Variants in CNTNAP2 observed in about 807,000 individuals in gnomAD.
CNTNAP2 encodes contactin associated protein 2.
A neutral mutation model predicts 155.2 loss-of-function variants in CNTNAP2; 98 were observed. The ratio of observed to expected loss-of-function variants is 0.63; its 90% confidence interval spans 0.54 to 0.75. CNTNAP2 has a LOEUF of 0.75. Ranked by LOEUF, CNTNAP2 falls within the 30% of genes least tolerant of loss-of-function variation. CNTNAP2 has a pLI of 0.00. For missense variants in CNTNAP2, 1,727 were observed against 1,688.1 expected (o/e 1.02, Z -0.40); for synonymous variants, 651 against 631.2 (o/e 1.03, Z -0.47).
chr7:147,208,377 A>C (rs1803064834), intron 8 of CNTNAP2, among the ~76,000 whole-genome samples: 1 of 152,268 alleles, frequency 6.6e-6, no homozygotes, highest in East Asian at 1.9e-4. Flanking sequence ...AAATGCAATT[A>C]TCTCTCTTTA....
chr7:147,920,752 G>C (rs1346694019), intron 14 of CNTNAP2, among the ~76,000 whole-genome samples: 2 of 149,918 alleles, frequency 1.3e-5, no homozygotes, highest in Admixed American at 1.3e-4. Flanking sequence ...TTAAGAATGT[G>C]TCTTCACAAT....
intron 6 of CNTNAP2, among the ~76,000 whole-genome samples, chr7:147,127,490 G>T (rs1344694182): frequency 6.6e-6 from 1 of 151,546 alleles, no homozygotes; most frequent in Non-Finnish European, 1.5e-5. Context: ...ATTTGTTCAT[G>T]GACCTTCCAG....
chr7:146,409,805 G>A lies in CNTNAP2; in HGVS notation c.97+292832G>A, dbSNP rs532681532. Among the ~76,000 whole-genome samples, 278 of 152,192 alleles carry A rather than the reference G, an allele frequency of 1.8e-3. 1 individual carries two copies. Among genetic ancestry groups the A allele is most frequent in the African/African-American group, 6.6e-3 (272 of 41,502 alleles). On this transcript the variant is annotated intron_variant, in intron 1 of 23. Transcript: ENST00000361727. ...ACTCTTCGAAAACCACCTGGGTCAGGGTGATAGAGAAGAAATAGTAATGCA... is the reference window on the plus strand; with the variant it reads ...ACTCTTCGAAAACCACCTGGGTCAGAGTGATAGAGAAGAAATAGTAATGCA...
intron 1 of CNTNAP2, among the ~76,000 whole-genome samples, chr7:146,251,673 G>A (rs1389937895): frequency 6.6e-6 from 1 of 152,140 alleles, no homozygotes; most frequent in Non-Finnish European, 1.5e-5. Context: ...AGAGGATGAA[G>A]TAACTCACAA....
chr7:146,972,151 A>G (rs1200569718), intron 3 of CNTNAP2, among the ~76,000 whole-genome samples: 2 of 152,292 alleles, frequency 1.3e-5, no homozygotes, highest in East Asian at 3.9e-4. Context: ...GAAGATGATT[A>G]GATACTAAAT....
At chr7:146,530,846 C>T (rs749715226) in intron 1 of CNTNAP2, among the ~76,000 whole-genome samples, 1 of 152,118 alleles carries the variant, frequency 6.6e-6, no homozygotes, top group Non-Finnish European at 1.5e-5. Flanking sequence ...ACAGAATTAC[C>T]GTTCCATCCA....
intron 13 of CNTNAP2, among the ~76,000 whole-genome samples, chr7:147,886,602 T>C (rs1799604643): frequency 6.7e-6 from 1 of 150,352 alleles, no homozygotes; most frequent in Admixed American, 6.7e-5. Flanking sequence ...TCAACCAGGG[T>C]GCTACTGGCA....
chr7:147,379,563 A>T (rs1796498128), intron 9 of CNTNAP2, among the ~76,000 whole-genome samples: 1 of 152,082 alleles, frequency 6.6e-6, no homozygotes, highest in Non-Finnish European at 1.5e-5. Context: ...TATATCCAAT[A>T]GTCAGTGTAA....
At chr7:147,980,522 TGA>T (rs1406870538) in intron 15 of CNTNAP2, among the ~76,000 whole-genome samples, 1 of 152,062 alleles carries the variant, frequency 6.6e-6, no homozygotes, top group Non-Finnish European at 1.5e-5. Context: ...TGTGTCTGTG[TGA>T]GAGAGAGAAA....
intron 2 of CNTNAP2, among the ~76,000 whole-genome samples, chr7:146,816,196 A>G (rs751451958): frequency 7.2e-5 from 11 of 152,090 alleles, no homozygotes; most frequent in Non-Finnish European, 1.5e-4. Flanking sequence ...AGTACTTTTT[A>G]TATGTCTGGT....
At chr7:146,921,573 AGT>A (rs1454772372) in intron 3 of CNTNAP2, among the ~76,000 whole-genome samples, 2 of 152,144 alleles carry the variant, frequency 1.3e-5, no homozygotes, top group Non-Finnish European at 2.9e-5. Flanking sequence ...GGAGGAGCAG[AGT>A]CACGTTTTAC....
chr7:147,702,415 C>T (rs1276733070), intron 13 of CNTNAP2, among the ~76,000 whole-genome samples: 2 of 151,996 alleles, frequency 1.3e-5, no homozygotes, highest in Admixed American at 1.3e-4. Flanking sequence ...TGACAACAAA[C>T]CTATTTCTGG....
intron 21 of CNTNAP2, among the ~76,000 whole-genome samples, chr7:148,286,965 G>A (rs538635399): frequency 2.0e-5 from 3 of 152,198 alleles, no homozygotes; most frequent in South Asian, 2.1e-4. Context: ...CTCTTGGGCC[G>A]TACATTCTCT....
chr7:147,914,895 A>G (rs1267004921), intron 14 of CNTNAP2, among the ~76,000 whole-genome samples: 1 of 152,164 alleles, frequency 6.6e-6, no homozygotes, highest in African/African-American at 2.4e-5. Context: ...TTATACATGC[A>G]TACATAATTT....
At chr7:146,806,500 A>G (rs1802969818) in intron 2 of CNTNAP2, among the ~76,000 whole-genome samples, 1 of 152,028 alleles carries the variant, frequency 6.6e-6, no homozygotes, top group South Asian at 2.1e-4. Flanking sequence ...CCATCAAAAA[A>G]AAAAAAGAAA....
intron 1 of CNTNAP2, among the ~76,000 whole-genome samples, chr7:146,351,630 C>T (rs1261846052): frequency 6.6e-6 from 1 of 152,118 alleles, no homozygotes; most frequent in Non-Finnish European, 1.5e-5. Flanking sequence ...ACTTTATGTT[C>T]AGACAGTTGA....
At chr7:147,212,136 C>T (rs1803162272) in intron 8 of CNTNAP2, among the ~76,000 whole-genome samples, 1 of 152,042 alleles carries the variant, frequency 6.6e-6, no homozygotes, top group Admixed American at 6.6e-5. Context: ...GGAATGCTTA[C>T]ATGCTGTTGG....
At chr7:146,555,561 A>G (rs968932035) in intron 1 of CNTNAP2, among the ~76,000 whole-genome samples, 4 of 151,970 alleles carry the variant, frequency 2.6e-5, no homozygotes, top group African/African-American at 9.7e-5. Context: ...ATCACTTTTC[A>G]ACACCTAATT....
At chr7:146,722,844 A>G (rs777993267) in intron 1 of CNTNAP2, among the ~76,000 whole-genome samples, 2 of 151,920 alleles carry the variant, frequency 1.3e-5, no homozygotes, top group Non-Finnish European at 2.9e-5. Flanking sequence ...ATGAAACACT[A>G]TCTCTACTAA....
Sources: gnomAD v4.1 joint callset for allele counts (sites outside exome capture counted in the v4.1 genomes callset) on GRCh38, gnomAD v4.1.1 for gene constraint, MANE v1.5 for transcripts, NCBI Gene and HGNC (gene_info 2026-07-23, HGNC 2026-07-21) for gene names.